Variants in GRID1 observed in about 807,000 individuals in gnomAD.
GRID1 encodes glutamate ionotropic receptor delta type subunit 1, also known as glutamate receptor ionotropic, delta-1.
Under a neutral mutation model 98.0 loss-of-function variants are expected in GRID1, and 28 were observed. The ratio of observed to expected loss-of-function variants is 0.29; its 90% CI spans 0.21 to 0.39. The LOEUF (loss-of-function observed/expected upper bound fraction) is 0.39. GRID1 is among the 10% of genes least tolerant of loss of function. GRID1 has a pLI of 1.00. For synonymous variants in GRID1, 553 were observed against 538.5 expected (o/e 1.03, Z -0.37); for missense variants, 1,111 against 1,340.5 (o/e 0.83, Z 2.67).
chr10:85,799,865 T>C (rs1416427771), intron 8 of GRID1, among the ~76,000 whole-genome samples: 1 of 152,006 alleles, frequency 6.6e-6, no homozygotes, highest in East Asian at 1.9e-4. Flanking sequence ...AGAGGGAAGT[T>C]TGAATGTTCT....
At chr10:86,114,508 C>T (rs781651640) in intron 4 of GRID1, among the ~76,000 whole-genome samples, 2 of 152,146 alleles carry the variant, frequency 1.3e-5, no homozygotes, top group Non-Finnish European at 2.9e-5. Context: ...AGTCCTACAG[C>T]GGGTCTGGGA....
chr10:85,951,606 T>C (rs1476168417), intron 4 of GRID1, among the ~76,000 whole-genome samples: 1 of 152,196 alleles, frequency 6.6e-6, no homozygotes, highest in Admixed American at 6.5e-5. Flanking sequence ...CTTATGAAGT[T>C]TCATTGCACA....
chr10:85,802,882 CA>C lies in GRID1; in HGVS notation c.1233+51613del, dbSNP rs1842590205. Among the ~76,000 whole-genome samples the C allele has an allele frequency of 3.4e-5, 5 of 145,620 alleles. No individual in the cohort carries two copies. In the South Asian group the frequency reaches 6.6e-4, roughly 19 times the overall value. ...ACACACACACACACACACACACACA[CA>C]CACCAAGGAACATTCAAATCAAATT... On this transcript the variant is annotated intron_variant, in intron 8 of 15. Coordinates refer to ENST00000327946, the MANE Select transcript of GRID1 (RefSeq NM_017551.3).
At chr10:86,071,526 C>T (rs970426517) in intron 4 of GRID1, among the ~76,000 whole-genome samples, 1 of 152,252 alleles carries the variant, frequency 6.6e-6, no homozygotes, top group African/African-American at 2.4e-5. Flanking sequence ...CTGAAAGCAA[C>T]ACCTTTCTGC....
At chr10:85,859,132 T>C (rs1380381393) in intron 6 of GRID1, among the ~76,000 whole-genome samples, 1 of 152,242 alleles carries the variant, frequency 6.6e-6, no homozygotes, top group Non-Finnish European at 1.5e-5. Context: ...TCTTCCATTA[T>C]ATATGTTGCC....
At chr10:86,023,237 T>G (rs1843074015) in intron 4 of GRID1, among the ~76,000 whole-genome samples, 1 of 152,106 alleles carries the variant, frequency 6.6e-6, no homozygotes, top group Admixed American at 6.5e-5. Flanking sequence ...GAAGGTGAAA[T>G]GTATGTCCCA....
intron 4 of GRID1, among the ~76,000 whole-genome samples, chr10:85,952,421 T>G (rs1842137475): frequency 6.6e-6 from 1 of 152,226 alleles, no homozygotes; most frequent in Non-Finnish European, 1.5e-5. Context: ...GTTTTAGAAA[T>G]TATTCTTTTA....
rs148634830 is a variant in GRID1, at chr10:86,003,118, C to T, written c.727-86879G>A. On this transcript the variant is annotated intron_variant, in intron 4 of 15. Transcript: ENST00000327946. ...GCCCAGAACCAGACTAACCCAGAAC[C>T]TCCTGGGCATCTGTAGACACTTGAC... 3.1e-3 allele frequency among the ~76,000 whole-genome samples: 473 copies of T among 152,332 alleles called. 2 individuals carry two copies. The highest frequency in any genetic ancestry group is 0.011 in the African/African-American group (448 of 41,572).
chr10:86,161,631 T>C (rs545078561), intron 3 of GRID1, among the ~76,000 whole-genome samples: 14 of 152,240 alleles, frequency 9.2e-5, no homozygotes, highest in African/African-American at 3.4e-4. Context: ...CCAGGAGGGC[T>C]TATCTCTCAT....
intron 3 of GRID1, among the ~76,000 whole-genome samples, chr10:86,177,928 T>C (rs991787853): frequency 2.6e-5 from 4 of 151,908 alleles, no homozygotes; most frequent in African/African-American, 9.7e-5. Flanking sequence ...GGAGAGACAG[T>C]GAGACAAAGA....
At chr10:86,162,442 T>C (rs1589393110) in intron 3 of GRID1, among the ~76,000 whole-genome samples, 1 of 152,246 alleles carries the variant, frequency 6.6e-6, no homozygotes, top group East Asian at 1.9e-4. Flanking sequence ...CCAAGCCCAC[T>C]AGGGACAGCT....
intron 4 of GRID1, among the ~76,000 whole-genome samples, chr10:85,931,608 T>C (rs1328048418): frequency 6.6e-6 from 1 of 152,232 alleles, no homozygotes; most frequent in Non-Finnish European, 1.5e-5. Flanking sequence ...TGTTCATGTC[T>C]TAAGGGTGCA....
chr10:86,213,598 A>G (rs1436086289), intron 2 of GRID1, among the ~76,000 whole-genome samples: 1 of 151,994 alleles, frequency 6.6e-6, no homozygotes. Flanking sequence ...TCCCACACCC[A>G]GATCCATCAT....
chr10:86,111,254 G>A (rs930080091), intron 4 of GRID1, among the ~76,000 whole-genome samples: 10 of 152,248 alleles, frequency 6.6e-5, no homozygotes, highest in African/African-American at 2.2e-4. Context: ...CATGCCCTTG[G>A]CCACAGCAAG....
intron 2 of GRID1, among the ~76,000 whole-genome samples, chr10:86,248,941 G>A (rs1186166083): frequency 6.6e-6 from 1 of 152,272 alleles, no homozygotes; most frequent in African/African-American, 2.4e-5. Flanking sequence ...CACTTGAGCC[G>A]TGCAGGACCT....
chr10:85,908,496 C>A (rs946959258), intron 5 of GRID1, among the ~76,000 whole-genome samples: 1 of 152,118 alleles, frequency 6.6e-6, no homozygotes, highest in Non-Finnish European at 1.5e-5. Context: ...TGTGAAAAAT[C>A]TGTACACTGT....
chr10:85,819,769 C>A lies in GRID1; in HGVS notation c.1233+34727G>T, dbSNP rs143695248. On this transcript the variant is annotated intron_variant, in intron 8 of 15. Coordinates refer to ENST00000327946, the MANE Select transcript of GRID1 (RefSeq NM_017551.3). ...TCTCTACTAAAAATACAAAAATTAG[C>A]CAGCCATGGTGGTGGGCACCTGTAA... is the stretch of plus-strand genomic sequence containing the variant. 5.0e-3 allele frequency among the ~76,000 whole-genome samples: 766 copies of A among 152,056 alleles called. 8 individuals carry two copies. The highest frequency in any genetic ancestry group is 0.018 in the African/African-American group (729 of 41,484).
intron 4 of GRID1, among the ~76,000 whole-genome samples, chr10:86,001,462 T>A (rs535664361): frequency 3.3e-5 from 5 of 152,328 alleles, no homozygotes; most frequent in African/African-American, 9.6e-5. Context: ...CCTAACTTCA[T>A]GTCCAAATTC....
chr10:85,724,049 C>G (rs1841733448), intron 11 of GRID1, among the ~76,000 whole-genome samples: 1 of 152,090 alleles, frequency 6.6e-6, no homozygotes, highest in Admixed American at 6.5e-5. Flanking sequence ...CATTGACAAC[C>G]TCATGTGCAT....
Sources: gnomAD v4.1 joint callset for allele counts (sites outside exome capture counted in the v4.1 genomes callset) on GRCh38, gnomAD v4.1.1 for gene constraint, MANE v1.5 for transcripts, NCBI Gene and HGNC (gene_info 2026-07-23, HGNC 2026-07-21) for gene names.